PDE4A: variants seen among roughly 807,000 people sequenced by gnomAD.
PDE4A encodes 3',5'-cyclic-AMP phosphodiesterase 4A.
A neutral mutation model predicts 73.9 loss-of-function variants in PDE4A; 21 were observed. The ratio of observed to expected loss-of-function variants is 0.28; its 90% CI spans 0.20 to 0.41. The LOEUF is 0.41. Among genes scored for constraint, PDE4A ranks in the 10% least tolerant of loss-of-function variants. The pLI is 1.00. For synonymous variants in PDE4A, 463 were observed against 505.4 expected (o/e 0.92, Z 1.13); for missense variants, 958 against 1,211.4 (o/e 0.79, Z 3.10).
In PDE4A at chr19:10,440,822, T is replaced by G. The variant is rs532553991; in HGVS notation, c.321-5396T>G. Among the ~76,000 whole-genome samples, 6 of 151,996 alleles carry G rather than the reference T, an allele frequency of 3.9e-5. No individual in the cohort carries two copies. The East Asian group carries it at 1.2e-3, about 29-fold the overall frequency. On this transcript the variant is annotated intron_variant, in intron 1 of 14. Transcript: ENST00000380702. ...ACTGTGTTAGCCAGGATGGGCTCGA[T>G]CTCCTGACCTCGTGATCCACCCACC...
Position 10,420,655 on chromosome 19 carries a change from C to T in PDE4A, c.-110C>T. 7.3e-7 allele frequency: 1 copy of T among 1,364,346 alleles called. No homozygotes were observed. The highest frequency in any genetic ancestry group is 9.4e-7 in the Non-Finnish European group (1 of 1,067,008). The allele number at this position is 1,364,346 out of a possible 1,614,324, so 84.5% of individuals were successfully genotyped here. ...TGTCCCCGGGGCGCCATGGCCCTAC[C>T]GCGGCCGGGCGCACCCGCGGGGCCC... On this transcript the variant is annotated 5_prime_UTR_variant, in exon 1 of 15. Transcript: ENST00000380702. This position sits in a 1 kb window ranked among gnomAD's most constrained non-coding sequence, Gnocchi z 6.0.
intron 1 of PDE4A, among the ~76,000 whole-genome samples, chr19:10,426,167 C>G (rs144414910): frequency 2.0e-5 from 3 of 151,820 alleles, no homozygotes; most frequent in African/African-American, 7.2e-5. Flanking sequence ...CCTATCTCTA[C>G]AAAAAGAAAA....
chr19:10,432,305 G>A (rs954750896), intron 1 of PDE4A: 1 of 1,213,856 alleles, frequency 8.2e-7, no homozygotes, highest in African/African-American at 1.6e-5. Flanking sequence ...CTGTCCCTGG[G>A]GGGGTCACCA....
At chr19:10,416,879 TGTA>T, upstream of PDE4A, 1 of 1,534,412 alleles carries the variant, frequency 6.5e-7, no homozygotes, top group Non-Finnish European at 8.7e-7. Context: ...GGCTTGGTCT[TGTA>T]GGAGGCCCTG....
Position 10,420,776 on chromosome 19 carries a change from G to A in PDE4A, c.12G>A (p.Pro4=). 1 of 1,572,180 alleles carries A rather than the reference G, an allele frequency of 6.4e-7. No individual in the cohort carries two copies. ...TGGGGGCCGGCGCCATGGAACCCCC[G>A]ACCGTCCCCTCGGAAAGGAGCCTGT... The part of the protein sequence containing the change: MEP[P]TVPSERSLSL... Residue 4 remains proline, a synonymous_variant, in exon 1 of 15, where the codon CCG becomes CCA. Transcript: ENST00000380702. This position sits in a 1 kb window ranked among gnomAD's most constrained non-coding sequence, Gnocchi z 6.0.
chr19:10,445,426 T>C (rs932638918), intron 1 of PDE4A, among the ~76,000 whole-genome samples: 2 of 152,188 alleles, frequency 1.3e-5, no homozygotes, highest in Non-Finnish European at 2.9e-5. Context: ...GTTCCATCTT[T>C]GCAATTCTGT....
rs2043125164 is a variant in PDE4A, at chr19:10,453,421, C to T, written c.784-1408C>T. ...GTGTGCAGCTGTGCACGTGTGTGGC[C>T]TGGAGATGAAGCCTTGTGACTGTCT... On this transcript the variant is annotated intron_variant, in intron 6 of 14. Transcript: ENST00000380702. The surrounding 1 kb of genome is among the most constrained non-coding windows in gnomAD (Gnocchi z 4.6). 3 of 1,432,730 alleles carry T rather than the reference C, an allele frequency of 2.1e-6. No individual in the cohort carries two copies. The highest frequency in any genetic ancestry group is 2.8e-6 in the Non-Finnish European group (3 of 1,070,750). 88.8% of individuals were successfully genotyped at this position (1,432,730 alleles called of 1,614,324 possible).
chr19:10,417,607 G>C (rs902867758), upstream of PDE4A: 1 of 1,525,526 alleles, frequency 6.6e-7, no homozygotes, highest in Non-Finnish European at 8.8e-7. Context: ...GGGGAGAGGG[G>C]CTCAGAGCTT....
At chr19:10,462,516 C>T (rs1444536087) in intron 13 of PDE4A, among the ~76,000 whole-genome samples, 4 of 151,730 alleles carry the variant, frequency 2.6e-5, no homozygotes, top group African/African-American at 4.8e-5. Context: ...GAGTTGGGGT[C>T]TCACTATGTC....
At chr19:10,436,517 T>G (rs762111983) in intron 1 of PDE4A, among the ~76,000 whole-genome samples, 1 of 151,996 alleles carries the variant, frequency 6.6e-6, no homozygotes, top group African/African-American at 2.4e-5. Flanking sequence ...ATGGCGCCAC[T>G]GCACTACAGC....
chr19:10,446,255 C>T lies in PDE4A; in HGVS notation c.358C>T (p.Arg120Cys), dbSNP rs377410221. 23 of 1,594,332 alleles carry T rather than the reference C, an allele frequency of 1.4e-5. No individual in the cohort carries two copies. The highest frequency in any genetic ancestry group is 2.3e-5 in the South Asian group (2 of 88,708). Reference sequence around the variant, plus strand: ...GAATGGGCCGACACCATCTCCTGGCCGCAGCCCCCTGGACTCGCAGGCGAG... The same window carrying T: ...GAATGGGCCGACACCATCTCCTGGCTGCAGCCCCCTGGACTCGCAGGCGAG... The part of the protein sequence containing the change: ...AENGPTPSPG[R>C]SPLDSQASPG... The change falls in exon 2 of 15, where the codon CGC (arginine) becomes TGC (cysteine). Residue 120 changes from arginine to cysteine, a missense_variant. By Grantham distance (180) the Arg-to-Cys change is radical. Transcript: ENST00000380702.
chr19:10,467,355 C>T lies in PDE4A; in HGVS notation c.2395C>T (p.Arg799Trp), dbSNP rs371781046. ...APVAPDEFSS[R>W]EEFVVAVSHS... The stretch of plus-strand genomic sequence containing the variant: ...TGTGGCTCCGGATGAGTTCTCGTCC[C>T]GGGAGGAATTCGTGGTTGCTGTAAG... Residue 799 changes from arginine to tryptophan, a missense_variant, in exon 15 of 15, where the codon CGG becomes TGG. By Grantham distance (101) the Arg-to-Trp change is moderately radical. Coordinates refer to ENST00000380702, the MANE Select transcript of PDE4A (RefSeq NM_001111307.2). 5.6e-6 allele frequency: 9 copies of T among 1,614,066 alleles called. No homozygotes were observed. The highest frequency in any genetic ancestry group is 4.5e-5 in the East Asian group (2 of 44,886).
chr19:10,457,897 A>G lies in PDE4A; in HGVS notation c.896A>G (p.Glu299Gly). 1.2e-6 allele frequency: 2 copies of G among 1,612,348 alleles called. No homozygotes were observed. The highest frequency in any genetic ancestry group is 1.7e-6 in the Non-Finnish European group (2 of 1,180,012). The change falls in exon 8 of 15, where the codon GAG (glutamate) becomes GGG (glycine). Residue 299 changes from glutamate to glycine, a missense_variant. Transcript: ENST00000380702. ...TCTGCAGACAAACAGAATGAAGTGG[A>G]GATCCCATCACCCACGATGAAGGAA... Reference protein sequence around the residue: ...TTFLDKQNEVEIPSPTMKERE... With the variant: ...TTFLDKQNEVGIPSPTMKERE...
chr19:10,461,714 G>A (rs2043275125), intron 12 of PDE4A, 34 bp downstream of exon 12: 1 of 1,609,780 alleles, frequency 6.2e-7, no homozygotes, highest in Non-Finnish European at 8.5e-7. Context: ...GAGCGGGAAA[G>A]GAAGCCTAGG....
intron 1 of PDE4A, among the ~76,000 whole-genome samples, chr19:10,425,222 CAA>C (rs71297580): frequency 7.0e-6 from 1 of 143,520 alleles, no homozygotes. Context: ...GACCCTGTCT[CAA>C]AAAAAAAAAC....
chr19:10,430,654 C>T (rs1374075390), intron 1 of PDE4A, among the ~76,000 whole-genome samples: 1 of 151,734 alleles, frequency 6.6e-6, no homozygotes, highest in Non-Finnish European at 1.5e-5. Context: ...GGGAGAGTCC[C>T]CACCAGAGCC....
Position 10,467,308 on chromosome 19 carries a change from C to T in PDE4A, c.2348C>T (p.Ala783Val). The change falls in exon 15 of 15, where the codon GCA (alanine) becomes GTA (valine). Residue 783 changes from alanine (A) to valine (V), a missense_variant. Physicochemically the swap from Ala to Val is moderately conservative, Grantham distance 64. Transcript: ENST00000380702. The stretch of plus-strand genomic sequence containing the variant: ...GAGGCAGTGTATTTGACACAGCAGG[C>T]ACAGTCCACAGGCAGTGCACCTGTG... Reference protein sequence around the residue: ...ELEAVYLTQQAQSTGSAPVAP... With the variant: ...ELEAVYLTQQVQSTGSAPVAP... 1 of 1,614,192 alleles carries T rather than the reference C, an allele frequency of 6.2e-7. No homozygotes were observed. The highest frequency in any genetic ancestry group is 8.5e-7 in the Non-Finnish European group (1 of 1,180,036).
Position 10,457,923 on chromosome 19 carries a change from C to T in PDE4A, c.922C>T (p.Arg308Ter). Residue 308 changes from arginine (R) to a stop codon, truncating the protein, a stop_gained, in exon 8 of 15, where the codon CGA becomes TGA. Transcript: ENST00000380702. LOFTEE classifies it high-confidence loss of function. ...GATCCCATCACCCACGATGAAGGAA[C>T]GAGAAAAACAGCAAGCGCCGCGACC... The part of the protein sequence containing the change: ...VEIPSPTMKE[R>*]EKQQAPRPRP... The T allele has an allele frequency of 1.2e-6, 2 of 1,612,780 alleles. No homozygotes were observed. The highest frequency in any genetic ancestry group is 1.7e-6 in the Non-Finnish European group (2 of 1,179,986).
Position 10,458,671 on chromosome 19 carries a change from T to C in PDE4A, c.1101+569T>C, listed in dbSNP as rs2043209403. Among the ~76,000 whole-genome samples the C allele has an allele frequency of 6.6e-6, 1 of 152,228 alleles. No homozygotes were observed. Among genetic ancestry groups the C allele is most frequent in the Non-Finnish European group, 1.5e-5 (1 of 68,018 alleles). On this transcript the variant is annotated intron_variant, in intron 8 of 14. Transcript: ENST00000380702. The surrounding 1 kb of genome is among the most constrained non-coding windows in gnomAD (Gnocchi z 4.6). ...ACTCGCTCTGTTGCCCAGGTTGGAG[T>C]GCAGTAGTGTGATCTCGGCTCAAGG...
Sources: allele counts gnomAD v4.1 joint callset (sites outside exome capture counted in the v4.1 genomes callset), GRCh38; gene constraint gnomAD v4.1.1; non-coding constraint Gnocchi (gnomAD v3.1); transcripts MANE v1.5; gene names NCBI Gene and HGNC (gene_info 2026-07-23, HGNC 2026-07-21).